Variants in RHPN2 observed in about 807,000 individuals in gnomAD.
RHPN2 encodes rhophilin-2.
A neutral mutation model predicts 79.0 loss-of-function variants in RHPN2; 40 were observed. The observed-to-expected ratio is 0.51, with a 90% CI of 0.39 to 0.66. The LOEUF (loss-of-function observed/expected upper bound fraction) is 0.66. RHPN2 is among the 30% of genes least tolerant of loss of function. The pLI is 0.00. For synonymous variants in RHPN2, 285 were observed against 363.5 expected (o/e 0.78, Z 2.46); for missense variants, 686 against 883.5 (o/e 0.78, Z 2.83).
intron 7 of RHPN2, among the ~76,000 whole-genome samples, chr19:33,005,412 CAAAAAA>C (rs766044835): frequency 4.0e-4 from 25 of 62,708 alleles, no homozygotes; most frequent in Non-Finnish European, 5.9e-4. Context: ...GATTCTGTCT[CAAAAAA>C]AAAAAAAAAA....
chr19:32,991,690 C>G (rs1971660953), intron 13 of RHPN2, 133 bp downstream of exon 13: 14 of 1,060,666 alleles, frequency 1.3e-5, no homozygotes, highest in Non-Finnish European at 2.0e-5. Flanking sequence ...AAAATTAATC[C>G]TTTTCTTTTA....
intron 1 of RHPN2, among the ~76,000 whole-genome samples, chr19:33,057,487 C>T (rs189684550): frequency 3.6e-4 from 55 of 151,596 alleles, no homozygotes; most frequent in Middle Eastern, 3.4e-3. Context: ...GTCTGGAGTT[C>T]GAGACCAACA....
At chr19:33,044,213 G>A (rs1433344981) in intron 2 of RHPN2, 36 bp downstream of exon 2, 2 of 1,468,284 alleles carry the variant, frequency 1.4e-6, no homozygotes, top group South Asian at 1.1e-5. Context: ...AGATGACTAG[G>A]ACTCAGGAGA....
In RHPN2 at chr19:33,002,251, G is replaced by A; in HGVS notation, c.1101C>T (p.His367=). The A allele has an allele frequency of 1.2e-6, 2 of 1,612,924 alleles. No individual in the cohort carries two copies. The highest frequency in any genetic ancestry group is 1.7e-6 in the Non-Finnish European group (2 of 1,179,806). The change falls in exon 9 of 15, where the codon CAC becomes CAT. Residue 367 remains histidine, a synonymous_variant. Transcript: ENST00000254260. The stretch of plus-strand genomic sequence containing the variant: ...CCCGAACCCCCCAGGCCTTACCCTG[G>A]TGGTCGATGAGGAGGATGGCAGTGA... ...HYFTAILLID[H]QVKPGTDLDH... is the part of the protein sequence containing the mutation.
At chr19:33,008,230 T>C in intron 6 of RHPN2, 50 bp from the exon 7 acceptor site, 1 of 1,557,236 alleles carries the variant, frequency 6.4e-7, no homozygotes, top group Non-Finnish European at 8.8e-7. Flanking sequence ...GGCTAGTTAA[T>C]GCTACAAGTG....
At chr19:33,002,522 G>C in intron 8 of RHPN2, 119 bp from the exon 9 acceptor site, 1 of 1,238,080 alleles carries the variant, frequency 8.1e-7, no homozygotes, top group East Asian at 2.4e-5. Flanking sequence ...GGCTGCTCCA[G>C]AATCTGGGAG....
chr19:33,018,166 T>C (rs1055545853), intron 4 of RHPN2, among the ~76,000 whole-genome samples: 2 of 150,928 alleles, frequency 1.3e-5, no homozygotes, highest in Non-Finnish European at 2.9e-5. Flanking sequence ...AATATATATA[T>C]ACACACACAA....
At position 33,030,516 on chromosome 19, in the gene RHPN2, C is replaced by T. The variant is rs143228738; in HGVS notation, c.186-3884G>A. Among the ~76,000 whole-genome samples, 323 of 152,182 alleles carry T rather than the reference C, an allele frequency of 2.1e-3. 1 individual carries two copies. Among genetic ancestry groups the T allele is most frequent in the African/African-American group, 7.3e-3 (304 of 41,524 alleles). The stretch of plus-strand genomic sequence containing the variant: ...GCTGAGGTATGAGAATCGCTTGAAC[C>T]CGGGAGGTGGAGGTTGCAGTGAGCT... On this transcript the variant is annotated intron_variant, in intron 2 of 14. Transcript: ENST00000254260.
At chr19:33,038,817 G>A (rs1175161578) in intron 2 of RHPN2, among the ~76,000 whole-genome samples, 3 of 151,958 alleles carry the variant, frequency 2.0e-5, no homozygotes, top group South Asian at 2.1e-4. Flanking sequence ...GCCACCACGC[G>A]TGGCTAATTT....
In RHPN2 at chr19:33,036,433, G is replaced by A. The variant is rs1297918643; in HGVS notation, c.185+7816C>T. 2.0e-5 allele frequency among the ~76,000 whole-genome samples: 3 copies of A among 152,212 alleles called. No homozygotes were observed. The East Asian group carries it at 5.8e-4, about 29-fold the overall frequency. On this transcript the variant is annotated intron_variant, in intron 2 of 14. Coordinates refer to ENST00000254260, the MANE Select transcript of RHPN2 (RefSeq NM_033103.5). ...AGGCAGGAGGATCACTTGAGCCCAGGAGTTTGGGTCTGCAGTGGGCTAGTG... is the reference window on the plus strand; with the variant it reads ...AGGCAGGAGGATCACTTGAGCCCAGAAGTTTGGGTCTGCAGTGGGCTAGTG...
intron 14 of RHPN2, among the ~76,000 whole-genome samples, chr19:32,982,977 G>A (rs1443252616): frequency 1.3e-5 from 2 of 148,820 alleles, no homozygotes; most frequent in Non-Finnish European, 1.5e-5. Context: ...CATGGCATCC[G>A]TCCCCCAAGA....
chr19:33,044,493 T>C, intron 1 of RHPN2, 129 bp from the exon 2 acceptor site: 1 of 723,116 alleles, frequency 1.4e-6, no homozygotes, highest in Non-Finnish European at 2.4e-6. Flanking sequence ...ACATAGAAAA[T>C]ATTGAAAAGT....
intron 5 of RHPN2, 87 bp from the exon 6 acceptor site, chr19:33,011,890 G>A: frequency 1.3e-6 from 2 of 1,566,806 alleles, no homozygotes; most frequent in Non-Finnish European, 1.8e-6. Flanking sequence ...CATACCAGCA[G>A]GTGCCTGTAA....
chr19:33,044,900 T>C (rs1282597196), intron 1 of RHPN2, among the ~76,000 whole-genome samples: 1 of 151,876 alleles, frequency 6.6e-6, no homozygotes, highest in Non-Finnish European at 1.5e-5. Flanking sequence ...GTCTCAAAAA[T>C]AAATAAATTA....
At chr19:32,995,720 G>A (rs1416047537) in intron 11 of RHPN2, among the ~76,000 whole-genome samples, 6 of 152,118 alleles carry the variant, frequency 3.9e-5, no homozygotes, top group Admixed American at 6.6e-5. Flanking sequence ...TTAGCTGGGT[G>A]TGGTGGTGGG....
chr19:33,036,651 G>A (rs970976349), intron 2 of RHPN2, among the ~76,000 whole-genome samples: 1 of 152,206 alleles, frequency 6.6e-6, no homozygotes, highest in Non-Finnish European at 1.5e-5. Flanking sequence ...AGAGGCGCGG[G>A]CGGGAACCAG....
At position 33,044,384 on chromosome 19, in the gene RHPN2, GC is replaced by G. The variant is rs1228702080; in HGVS notation, c.70-21del. On this transcript the variant is annotated intron_variant, in intron 1 of 14. Transcript: ENST00000254260. Reference sequence around the variant, plus strand: ...ACAGCCCTGAGGAAAAATAAGAGATGCCCCTTCAGAGGTCGGCCACTCTAAA... The same window carrying G: ...ACAGCCCTGAGGAAAAATAAGAGATGCCCTTCAGAGGTCGGCCACTCTAAA... 6.5e-7 allele frequency: 1 copy of G among 1,548,498 alleles called. No homozygotes were observed. Among genetic ancestry groups the G allele is most frequent in the Non-Finnish European group, 8.9e-7 (1 of 1,120,408 alleles).
intron 2 of RHPN2, among the ~76,000 whole-genome samples, chr19:33,028,156 C>CTT (rs36036417): frequency 0.088 from 12,463 of 141,998 alleles, 748 homozygotes; most frequent in African/African-American, 0.16. Flanking sequence ...AAAATCAATT[C>CTT]TTTTTTTTTT....
intron 2 of RHPN2, among the ~76,000 whole-genome samples, chr19:33,029,382 T>C (rs6510331): frequency 0.53 from 80,909 of 151,402 alleles, 25,455 homozygotes; most frequent in African/African-American, 0.87. Context: ...AAAAATTAGC[T>C]GGGCATGGTG....
Sources: gnomAD v4.1 joint callset for allele counts (sites outside exome capture counted in the v4.1 genomes callset) on GRCh38, gnomAD v4.1.1 for gene constraint, MANE v1.5 for transcripts, NCBI Gene and HGNC (gene_info 2026-07-23, HGNC 2026-07-21) for gene names.